Variants in PLA2G6 observed in about 807,000 individuals in gnomAD.
PLA2G6 encodes the protein 85/88 kDa calcium-independent phospholipase A2.
PLA2G6 carries 62 observed loss-of-function variants against 83.8 expected under a neutral mutation model. That is an observed-to-expected ratio of 0.74 (90% confidence interval 0.60 to 0.91). The LOEUF (loss-of-function observed/expected upper bound fraction) is 0.91, where lower values mean the gene tolerates loss of function less well. Among genes scored for constraint, PLA2G6 ranks in the 40% least tolerant of loss-of-function variants. PLA2G6 has a pLI of 0.00. For missense variants in PLA2G6, 944 were observed against 1,102.0 expected (o/e 0.86, Z 2.03); for synonymous variants, 417 against 449.8 (o/e 0.93, Z 0.92).
At chr22:38,179,077 G>A (rs2090746452) in intron 1 of PLA2G6, among the ~76,000 whole-genome samples, 1 of 152,226 alleles carries the variant, frequency 6.6e-6, no homozygotes, top group African/African-American at 2.4e-5. Context: ...TGGGTGAGGA[G>A]AGAAGTCTTC....
intron 2 of PLA2G6, among the ~76,000 whole-genome samples, chr22:38,161,437 A>G (rs895616543): frequency 1.3e-5 from 2 of 152,040 alleles, no homozygotes; most frequent in African/African-American, 4.8e-5. Context: ...AATCACCCCC[A>G]TAGTGCTCTA....
chr22:38,126,339 C>T (rs2087856021), intron 10 of PLA2G6, 32 bp downstream of exon 10: 1 of 1,546,776 alleles, frequency 6.5e-7, no homozygotes, highest in East Asian at 2.2e-5. Flanking sequence ...CGCACACGTT[C>T]CCCGCTCTGC....
intron 5 of PLA2G6, chr22:38,135,558 G>GC: frequency 6.2e-6 from 1 of 162,370 alleles, no homozygotes. Flanking sequence ...TGACAGAGTG[G>GC]GAAAGAGCAC....
rs1399426804 is a variant in PLA2G6 at position 38,123,053 on chromosome 22, G to T, written c.1591+42C>A. 2.0e-6 allele frequency: 3 copies of T among 1,533,670 alleles called. No individual in the cohort carries two copies. The highest frequency in any genetic ancestry group is 3.9e-5 in the Admixed American group (2 of 50,982). On this transcript the variant is annotated intron_variant, in intron 11 of 16. Coordinates refer to ENST00000332509, the MANE Select transcript of PLA2G6 (RefSeq NM_003560.4). The surrounding 1 kb of genome is among the most constrained non-coding windows in gnomAD (Gnocchi z 4.1). ...CAAACTCGGCCCCTTGAGGACACAG[G>T]TCTCAGCCCCGCCTGGCCCCATCCC... is the stretch of plus-strand genomic sequence containing the variant.
At chr22:38,121,840 C>T (rs1026318997) in intron 11 of PLA2G6, among the ~76,000 whole-genome samples, 1 of 152,186 alleles carries the variant, frequency 6.6e-6, no homozygotes, top group Non-Finnish European at 1.5e-5. Flanking sequence ...TGTGGAAGAC[C>T]AGAGAGGGGA....
At chr22:38,171,556 T>C (rs1195458266) in intron 1 of PLA2G6, among the ~76,000 whole-genome samples, 2 of 151,962 alleles carry the variant, frequency 1.3e-5, no homozygotes, top group Non-Finnish European at 2.9e-5. Flanking sequence ...TGGTGGCTCA[T>C]GCCCGTAATC....
At chr22:38,159,127 T>G (rs1239568682) in intron 2 of PLA2G6, among the ~76,000 whole-genome samples, 1 of 152,132 alleles carries the variant, frequency 6.6e-6, no homozygotes, top group Non-Finnish European at 1.5e-5. Flanking sequence ...AAAAGTTGGT[T>G]CTTTGGAAAG....
chr22:38,156,313 T>C (rs1890895676), intron 2 of PLA2G6, among the ~76,000 whole-genome samples: 1 of 152,216 alleles, frequency 6.6e-6, no homozygotes, highest in Non-Finnish European at 1.5e-5. Context: ...GTCTGCAGTA[T>C]AGATCAGATG....
intron 1 of PLA2G6, among the ~76,000 whole-genome samples, chr22:38,180,881 A>C (rs956215862): frequency 2.7e-5 from 4 of 149,412 alleles, no homozygotes; most frequent in Non-Finnish European, 4.4e-5. Context: ...AATGCATTCA[A>C]AAACAATGCA....
In PLA2G6 at chr22:38,123,643, C is replaced by G. The variant is rs776439804; in HGVS notation, c.1428-385G>C. ...TTAAATAAGGCTGGGGAAGGAGGGG[C>G]GGGGACCCTACAGCCAGGCCAGGAA... On this transcript the variant is annotated intron_variant, in intron 10 of 16. Coordinates refer to ENST00000332509, the MANE Select transcript of PLA2G6 (RefSeq NM_003560.4). This position sits in a 1 kb window ranked among gnomAD's most constrained non-coding sequence, Gnocchi z 4.1. 6.6e-6 allele frequency among the ~76,000 whole-genome samples: 1 copy of G among 151,644 alleles called. No homozygotes were observed. The highest frequency in any genetic ancestry group is 1.5e-5 in the Non-Finnish European group (1 of 67,944).
chr22:38,128,349 G>T lies in PLA2G6; in HGVS notation c.1268C>A (p.Ala423Glu), dbSNP rs199636953. ...YCFPPIHGVP[A>E]EQGSAAPHHP... ...ATGTGGCGCTGCAGAGCCCTGCTCC[G>T]CGGGGACCCCGTGGATGGGTGGGAA... Residue 423 changes from alanine (A) to glutamate (E), a missense_variant, in exon 9 of 17, where the codon GCG becomes GAG. Physicochemically the swap from Ala to Glu is moderately radical, Grantham distance 107. Transcript: ENST00000332509. The surrounding 1 kb of genome is among the most constrained non-coding windows in gnomAD (Gnocchi z 4.4). 7.4e-6 allele frequency: 12 copies of T among 1,613,446 alleles called. No homozygotes were observed. Among genetic ancestry groups the T allele is most frequent in the South Asian group, 1.1e-5 (1 of 91,056 alleles).
chr22:38,146,459 C>A (rs2089266018), intron 2 of PLA2G6: 1 of 152,200 alleles, frequency 6.6e-6, no homozygotes, highest in African/African-American at 2.4e-5. Flanking sequence ...ACTGGGATTA[C>A]AGGTGTGAGC....
rs763205259 is a variant in PLA2G6, at chr22:38,112,277, T to A, written c.2305A>T (p.Met769Leu). 2.5e-6 allele frequency: 4 copies of A among 1,613,638 alleles called. No individual in the cohort carries two copies. Among genetic ancestry groups the A allele is most frequent in the Non-Finnish European group, 3.4e-6 (4 of 1,179,888 alleles). The stretch of plus-strand genomic sequence containing the variant: ...ACTGTGTCACTGACCTCATCCAGCA[T>A]GATGTCCGTCCCCAGCTGGGGGTTC... ...RLNPQLGTDIMLDEVSDTVLV... is the reference protein window; with the variant it reads ...RLNPQLGTDILLDEVSDTVLV... Residue 769 changes from methionine to leucine, a missense_variant, in exon 17 of 17, where the codon ATG becomes TTG. By Grantham distance (15) the Met-to-Leu change is conservative. Transcript: ENST00000332509.
chr22:38,132,222 T>C lies in PLA2G6; in HGVS notation c.1077+609A>G, dbSNP rs1290236830. On this transcript the variant is annotated intron_variant, in intron 7 of 16. Coordinates refer to ENST00000332509, the MANE Select transcript of PLA2G6 (RefSeq NM_003560.4). The surrounding 1 kb of genome is among the most constrained non-coding windows in gnomAD (Gnocchi z 5.0). ...GATGTGTAACCAGACAGTAAGGGCT[T>C]TGAGGGCAGGAACTGTGTTCTATAA... 2.5e-6 allele frequency: 1 copy of C among 406,002 alleles called. No homozygotes were observed. Among genetic ancestry groups the C allele is most frequent in the Non-Finnish European group, 4.9e-6 (1 of 202,480 alleles). The allele number at this position is 406,002 out of a possible 1,614,324, so 25.1% of individuals were successfully genotyped here. A position where few individuals can be genotyped will look rare whatever the true frequency, so the allele number is the denominator to read the frequency against.
At chr22:38,169,832 A>G (rs1470625110) in intron 1 of PLA2G6, among the ~76,000 whole-genome samples, 1 of 152,232 alleles carries the variant, frequency 6.6e-6, no homozygotes, top group Non-Finnish European at 1.5e-5. Context: ...CATACATTAT[A>G]GGCAGTAATG....
chr22:38,145,831 ACACC>A, intron 2 of PLA2G6, 178 bp from the exon 3 acceptor site: 6 of 601,360 alleles, frequency 1.0e-5, no homozygotes. Context: ...ACACACACAC[ACACC>A]CCTATACACA....
At chr22:38,173,773 G>C (rs547392338) in intron 1 of PLA2G6, among the ~76,000 whole-genome samples, 1 of 152,298 alleles carries the variant, frequency 6.6e-6, no homozygotes, top group Admixed American at 6.5e-5. Context: ...ATTAAGGCCG[G>C]GCACAGTGGC....
intron 2 of PLA2G6, among the ~76,000 whole-genome samples, chr22:38,165,956 A>G (rs1373337408): frequency 6.6e-6 from 1 of 152,132 alleles, no homozygotes; most frequent in Non-Finnish European, 1.5e-5. Context: ...GACCAATCAG[A>G]TTTGCCCTCT....
intron 12 of PLA2G6, among the ~76,000 whole-genome samples, chr22:38,118,086 G>GTA (rs1472548316): frequency 6.6e-6 from 1 of 151,548 alleles, no homozygotes; most frequent in Non-Finnish European, 1.5e-5. Context: ...GACAAATACT[G>GTA]TATGATTCCA....
Sources: gnomAD v4.1 joint callset for allele counts (sites outside exome capture counted in the v4.1 genomes callset) on GRCh38, gnomAD v4.1.1 for gene constraint, Gnocchi (gnomAD v3.1) non-coding constraint, MANE v1.5 for transcripts, NCBI Gene and HGNC (gene_info 2026-07-23, HGNC 2026-07-21) for gene names.